VSTM4: variants seen among roughly 807,000 people sequenced by gnomAD.
VSTM4 encodes V-set and transmembrane domain containing 4.
VSTM4 carries 20 observed loss-of-function variants against 36.4 expected under a neutral mutation model. That is an observed-to-expected ratio of 0.55 (90% CI 0.39 to 0.80). The LOEUF is 0.80. Ranked by LOEUF, VSTM4 falls within the 30% of genes least tolerant of loss-of-function variation. The pLI, the probability that VSTM4 is intolerant of heterozygous loss-of-function variation, is 0.00. For missense variants in VSTM4, 392 were observed against 404.5 expected (o/e 0.97, Z 0.26); for synonymous variants, 182 against 173.9 (o/e 1.05, Z -0.37).
Position 49,077,299 on chromosome 10 carries a change from C to T in VSTM4, c.554G>A (p.Cys185Tyr). The T allele has an allele frequency of 6.2e-7, 1 of 1,614,216 alleles. No individual in the cohort carries two copies. The highest frequency in any genetic ancestry group is 8.5e-7 in the Non-Finnish European group (1 of 1,180,032). Residue 185 changes from cysteine (C) to tyrosine (Y), a missense_variant, in exon 4 of 8, where the codon TGC (cysteine) becomes TAC (tyrosine). Transcript: ENST00000332853. The part of the protein sequence containing the change: ...EDLYVYAVLV[C>Y]CVGILSILLF... Reference sequence around the variant, plus strand: ...CAGAATGCTGAGGATCCCCACGCAGCACACGAGGACAGCATACACATAGAG... The same window carrying T: ...CAGAATGCTGAGGATCCCCACGCAGTACACGAGGACAGCATACACATAGAG...
chr10:49,106,538 G>A (rs1441357255), intron 2 of VSTM4, among the ~76,000 whole-genome samples: 1 of 152,208 alleles, frequency 6.6e-6, no homozygotes, highest in Non-Finnish European at 1.5e-5. Flanking sequence ...AGGAAGGGAG[G>A]GCTACCCCTG....
Position 49,048,466 on chromosome 10 carries a change from C to G in VSTM4, c.775+12G>C. On this transcript the variant is annotated intron_variant, in intron 6 of 7. Coordinates refer to ENST00000332853, the MANE Select transcript of VSTM4 (RefSeq NM_001031746.5). ...TAGTTTCCAGGTAAGAAACTGCAGG[C>G]CAGCTCCTTACCTTTGGCAGGGACT... 6.4e-7 allele frequency: 1 copy of G among 1,572,792 alleles called. No individual in the cohort carries two copies. Among genetic ancestry groups the G allele is most frequent in the Non-Finnish European group, 8.6e-7 (1 of 1,165,464 alleles).
intron 1 of VSTM4, among the ~76,000 whole-genome samples, chr10:49,109,568 T>C (rs938720648): frequency 1.3e-5 from 2 of 152,198 alleles, no homozygotes; most frequent in African/African-American, 4.8e-5. Context: ...CCATGAGCCT[T>C]GACTTCATCA....
intron 7 of VSTM4, among the ~76,000 whole-genome samples, chr10:49,039,949 G>A (rs1010459130): frequency 6.6e-6 from 1 of 152,210 alleles, no homozygotes; most frequent in Admixed American, 6.5e-5. Flanking sequence ...AGGAAGTAAT[G>A]ACAGCTTTTC....
At chr10:49,098,123 C>T (rs964358804) in intron 2 of VSTM4, among the ~76,000 whole-genome samples, 2 of 152,168 alleles carry the variant, frequency 1.3e-5, no homozygotes, top group South Asian at 4.1e-4. Flanking sequence ...TCCCAACCCC[C>T]CTGCTTATGC....
intron 2 of VSTM4, among the ~76,000 whole-genome samples, chr10:49,086,769 A>G (rs993312088): frequency 1.4e-4 from 21 of 152,240 alleles, no homozygotes; most frequent in African/African-American, 4.3e-4. Flanking sequence ...CTATATCTGC[A>G]CTGTCCAATA....
chr10:49,103,920 T>TTTGAGTGCCCCCCACCCCA, intron 2 of VSTM4: 2 of 1,456,084 alleles, frequency 1.4e-6, no homozygotes, highest in Non-Finnish European at 1.9e-6. Flanking sequence ...GGGCCTGGGG[T>TTTGAGTGCCCCCCACCCCA]GGGGGGCACT....
chr10:49,083,310 A>G (rs1844312603), intron 3 of VSTM4, among the ~76,000 whole-genome samples: 2 of 152,174 alleles, frequency 1.3e-5, no homozygotes, highest in Admixed American at 6.5e-5. Flanking sequence ...CTGACAATCA[A>G]TGCCTCTTTT....
At chr10:49,028,387 A>C (rs1027682467) in intron 7 of VSTM4, among the ~76,000 whole-genome samples, 4 of 152,226 alleles carry the variant, frequency 2.6e-5, no homozygotes, top group African/African-American at 9.7e-5. Context: ...GTACTATAAC[A>C]GCAGGTAGCA....
chr10:49,081,079 G>A (rs929326517), intron 3 of VSTM4, among the ~76,000 whole-genome samples: 1 of 152,192 alleles, frequency 6.6e-6, no homozygotes, highest in African/African-American at 2.4e-5. Flanking sequence ...CTCAGGGACA[G>A]AGCAAAGTTC....
At position 49,016,512 on chromosome 10, in the gene VSTM4, T is replaced by C. The variant is rs1293062826; in HGVS notation, c.*3138A>G. On this transcript the variant is annotated 3_prime_UTR_variant, in exon 8 of 8. Transcript: ENST00000332853. Reference sequence around the variant, plus strand: ...ACCATTTCTGGCATGAGCTCCATTCTTGGCTCAGCCTAGGTTACAGTCATG... The same window carrying C: ...ACCATTTCTGGCATGAGCTCCATTCCTGGCTCAGCCTAGGTTACAGTCATG... 2 of 152,254 alleles carry C rather than the reference T, an allele frequency of 1.3e-5. No homozygotes were observed. The highest frequency in any genetic ancestry group is 2.9e-5 in the Non-Finnish European group (2 of 68,048). 9.4% of individuals were successfully genotyped at this position (152,254 alleles called of 1,614,324 possible).
At chr10:49,108,978 C>G (rs559867533) in intron 1 of VSTM4, among the ~76,000 whole-genome samples, 3 of 152,192 alleles carry the variant, frequency 2.0e-5, no homozygotes, top group Non-Finnish European at 4.4e-5. Flanking sequence ...CACAGCACAG[C>G]CCTCTGGCAG....
chr10:49,085,909 A>G, intron 3 of VSTM4, 46 bp downstream of exon 3: 1 of 1,266,266 alleles, frequency 7.9e-7, no homozygotes, highest in Non-Finnish European at 1.1e-6. Context: ...AAGAAAAAGA[A>G]AAAGCAACTA....
chr10:49,054,634 T>G (rs984336426), intron 5 of VSTM4, among the ~76,000 whole-genome samples: 1 of 152,220 alleles, frequency 6.6e-6, no homozygotes, highest in Admixed American at 6.5e-5. Flanking sequence ...CGGGGAGCAG[T>G]TTATGCAGGA....
intron 1 of VSTM4, among the ~76,000 whole-genome samples, chr10:49,112,629 G>T (rs1430119279): frequency 6.6e-6 from 1 of 152,244 alleles, no homozygotes; most frequent in African/African-American, 2.4e-5. Context: ...AGTACAGTGG[G>T]CTTCGTGGGC....
intron 5 of VSTM4, among the ~76,000 whole-genome samples, chr10:49,049,675 T>A (rs1843667771): frequency 6.6e-6 from 1 of 151,420 alleles, no homozygotes; most frequent in Non-Finnish European, 1.5e-5. Flanking sequence ...TTTTTACACA[T>A]AAGGAAAGAC....
chr10:49,026,110 C>G (rs1324395591), intron 7 of VSTM4, among the ~76,000 whole-genome samples: 1 of 152,176 alleles, frequency 6.6e-6, no homozygotes, highest in African/African-American at 2.4e-5. Context: ...GGCACAGCCT[C>G]ACTTCTTCCA....
chr10:49,046,930 G>C (rs1257193213), intron 7 of VSTM4, 53 bp downstream of exon 7: 2 of 1,554,204 alleles, frequency 1.3e-6, no homozygotes, highest in African/African-American at 2.7e-5. Context: ...TTTGGAATCT[G>C]AGTTGTGTCT....
At chr10:49,027,160 C>T (rs950328029) in intron 7 of VSTM4, among the ~76,000 whole-genome samples, 15 of 152,236 alleles carry the variant, frequency 9.9e-5, no homozygotes, top group African/African-American at 3.6e-4. Flanking sequence ...TACTGGGATT[C>T]TGCCTCGCCC....
Sources: allele counts gnomAD v4.1 joint callset (sites outside exome capture counted in the v4.1 genomes callset), GRCh38; gene constraint gnomAD v4.1.1; transcripts MANE v1.5; gene names NCBI Gene and HGNC (gene_info 2026-07-23, HGNC 2026-07-21).